HSD17B12: variants seen among roughly 807,000 people sequenced by gnomAD.
HSD17B12 encodes the protein very-long-chain 3-oxoacyl-CoA reductase.
A neutral mutation model predicts 39.3 loss-of-function variants in HSD17B12; 32 were observed. The observed-to-expected ratio is 0.81, with a 90% CI of 0.61 to 1.09. HSD17B12 has a LOEUF of 1.09. Among genes scored for constraint, HSD17B12 ranks in the 50% least tolerant of loss-of-function variants. The pLI, the probability that HSD17B12 is intolerant of heterozygous loss-of-function variation, is 0.00. For missense variants in HSD17B12, 342 were observed against 382.9 expected, an observed-to-expected ratio of 0.89 and a Z score of 0.89; for synonymous variants, 150 against 146.7, an observed-to-expected ratio of 1.02 and a Z score of -0.16.
chr11:43,581,265 CG>C, the HSD17B12 span: 2 of 455,894 alleles, frequency 4.4e-6, no homozygotes, highest in Non-Finnish European at 9.0e-6. This position sits in a 1 kb window ranked among gnomAD's most constrained non-coding sequence, Gnocchi z 4.9. Flanking sequence ...CGCGGAGGGG[CG>C]GGCAGCGCGC....
At chr11:43,718,660 A>G in intron 1 of HSD17B12, 1 of 715,618 alleles carries the variant, frequency 1.4e-6, no homozygotes, top group East Asian at 2.5e-5. Context: ...TATACCTTGA[A>G]TAGCCTTTTC....
At chr11:43,734,903 C>A (rs1389734771) in intron 1 of HSD17B12, among the ~76,000 whole-genome samples, 1 of 152,198 alleles carries the variant, frequency 6.6e-6, no homozygotes, top group Non-Finnish European at 1.5e-5. Context: ...CAAAAGGAAA[C>A]ACCATACCCA....
chr11:43,724,520 T>C (rs1158699693), intron 1 of HSD17B12, among the ~76,000 whole-genome samples: 14 of 152,088 alleles, frequency 9.2e-5, no homozygotes, highest in African/African-American at 3.4e-4. Flanking sequence ...TCTCACAGTT[T>C]TGAAGACTGT....
intron 3 of HSD17B12, among the ~76,000 whole-genome samples, chr11:43,761,308 A>G (rs536287571): frequency 2.3e-4 from 35 of 152,382 alleles, no homozygotes; most frequent in African/African-American, 8.4e-4. Flanking sequence ...ATGTAAAATA[A>G]AAGAACTCAA....
intron 1 of HSD17B12, among the ~76,000 whole-genome samples, chr11:43,685,131 A>G (rs1949786433): frequency 6.6e-6 from 1 of 152,226 alleles, no homozygotes; most frequent in Non-Finnish European, 1.5e-5. Context: ...GGATGTTTAC[A>G]TTAGCAAATC....
chr11:43,736,679 G>A (rs1241581814), intron 1 of HSD17B12, among the ~76,000 whole-genome samples: 1 of 152,094 alleles, frequency 6.6e-6, no homozygotes, highest in East Asian at 1.9e-4. Context: ...AAGTTAGAGT[G>A]GTCTTATATT....
intron 3 of HSD17B12, among the ~76,000 whole-genome samples, chr11:43,782,223 C>G (rs1215720170): frequency 6.6e-6 from 1 of 152,158 alleles, no homozygotes; most frequent in Admixed American, 6.6e-5. Flanking sequence ...CAAATCAAGG[C>G]TTAAATTAGA....
At chr11:43,794,235 T>G (rs1950895825) in intron 3 of HSD17B12, among the ~76,000 whole-genome samples, 1 of 152,240 alleles carries the variant, frequency 6.6e-6, no homozygotes, top group African/African-American at 2.4e-5. Flanking sequence ...TCAATAGGCA[T>G]CAATAGTATT....
chr11:43,829,077 C>A (rs1475426318), intron 6 of HSD17B12, among the ~76,000 whole-genome samples: 1 of 151,846 alleles, frequency 6.6e-6, no homozygotes, highest in Non-Finnish European at 1.5e-5. Flanking sequence ...TATTATTTGA[C>A]AGATTAAAAA....
At chr11:43,660,125 A>T in the HSD17B12 span, among the ~76,000 whole-genome samples, 2 of 151,596 alleles carry the variant, frequency 1.3e-5, no homozygotes, top group African/African-American at 4.9e-5. Context: ...GGGCATGTAA[A>T]CTCCCTCTCT....
At chr11:43,760,940 C>A (rs923586468) in intron 3 of HSD17B12, among the ~76,000 whole-genome samples, 2 of 152,106 alleles carry the variant, frequency 1.3e-5, no homozygotes, top group African/African-American at 4.8e-5. Flanking sequence ...GGAATAAAAC[C>A]CATCCATTTT....
At chr11:43,727,180 C>T (rs1241840393) in intron 1 of HSD17B12, among the ~76,000 whole-genome samples, 1 of 152,138 alleles carries the variant, frequency 6.6e-6, no homozygotes, top group Non-Finnish European at 1.5e-5. Context: ...CCAAGAGGCC[C>T]CCTGAAGCTG....
chr11:43,776,155 G>C (rs1270639562), intron 3 of HSD17B12, among the ~76,000 whole-genome samples: 2 of 152,204 alleles, frequency 1.3e-5, no homozygotes, highest in East Asian at 1.9e-4. Flanking sequence ...GGTATTTCTA[G>C]TTCTAGATCC....
At chr11:43,742,198 C>T (rs966436262) in intron 1 of HSD17B12, among the ~76,000 whole-genome samples, 4 of 148,468 alleles carry the variant, frequency 2.7e-5, no homozygotes, top group African/African-American at 5.0e-5. Flanking sequence ...AGTACAGTGC[C>T]GCAATCATAA....
At chr11:43,672,312 G>C in the HSD17B12 span, among the ~76,000 whole-genome samples, 1 of 152,120 alleles carries the variant, frequency 6.6e-6, no homozygotes, top group Non-Finnish European at 1.5e-5. Flanking sequence ...GCCTCCCAAA[G>C]TGCTGGGATT....
intron 3 of HSD17B12, among the ~76,000 whole-genome samples, chr11:43,792,542 C>A (rs765077496): frequency 6.6e-6 from 1 of 152,018 alleles, no homozygotes; most frequent in Non-Finnish European, 1.5e-5. Flanking sequence ...TGCCCCTGAG[C>A]CAAGCTTAGA....
intron 1 of HSD17B12, among the ~76,000 whole-genome samples, chr11:43,745,558 A>G (rs1950405152): frequency 6.6e-6 from 1 of 152,188 alleles, no homozygotes; most frequent in African/African-American, 2.4e-5. Context: ...CTACAAATCT[A>G]GATGGTTTAA....
chr11:43,631,698 A>G, the HSD17B12 span, among the ~76,000 whole-genome samples: 1 of 148,270 alleles, frequency 6.7e-6, no homozygotes, highest in Non-Finnish European at 1.5e-5. Flanking sequence ...TCCCTCCTTC[A>G]TTTCTTTCAT....
At chr11:43,753,103 T>G (rs2134945948) in intron 2 of HSD17B12, among the ~76,000 whole-genome samples, 1 of 152,284 alleles carries the variant, frequency 6.6e-6, no homozygotes, top group Middle Eastern at 3.4e-3. Context: ...TTTTTTCCTC[T>G]ACTACTATAT....
Sources: gnomAD v4.1 joint callset for allele counts (sites outside exome capture counted in the v4.1 genomes callset) on GRCh38, gnomAD v4.1.1 for gene constraint, Gnocchi (gnomAD v3.1) non-coding constraint, MANE v1.5 for transcripts, NCBI Gene and HGNC (gene_info 2026-07-23, HGNC 2026-07-21) for gene names.